Variants in PPFIA1 observed in about 807,000 individuals in gnomAD.
PPFIA1 encodes the protein liprin-alpha-1.
A neutral mutation model predicts 149.9 loss-of-function variants in PPFIA1; 25 were observed. The observed-to-expected ratio is 0.17, with a 90% confidence interval of 0.12 to 0.23. PPFIA1 has a LOEUF of 0.23. Ranked by LOEUF, PPFIA1 falls within the 10% of genes least tolerant of loss-of-function variation. The probability of loss-of-function intolerance (pLI) is 1.00; values close to 1 mark genes in which losing one functional copy is unlikely to be tolerated. For synonymous variants in PPFIA1, 549 were observed against 552.8 expected, an observed-to-expected ratio of 0.99 and a Z score of 0.10; for missense variants, 1,362 against 1,506.5, an observed-to-expected ratio of 0.90 and a Z score of 1.59.
intron 10 of PPFIA1, among the ~76,000 whole-genome samples, chr11:70,335,333 A>G (rs1333425316): frequency 6.6e-6 from 1 of 152,190 alleles, no homozygotes; most frequent in Non-Finnish European, 1.5e-5. Context: ...GTCCTGTGGC[A>G]GGAGCAGTGG....
At chr11:70,337,279 CT>C (rs879535446) in intron 11 of PPFIA1, 85 bp from the exon 12 acceptor site, 58,344 of 686,554 alleles carry the variant, frequency 0.085, 1 homozygote, top group South Asian at 0.11. Context: ...TTGTGTGGTC[CT>C]TTTTTTTTTT....
chr11:70,331,863 TCTTA>T (rs1465489066), intron 8 of PPFIA1, 93 bp from the exon 9 acceptor site: 4 of 1,369,746 alleles, frequency 2.9e-6, no homozygotes, highest in Middle Eastern at 1.9e-4. Context: ...ATCATGACTC[TCTTA>T]GTCTGTATCT....
chr11:70,271,191 GA>G (rs1272116468), intron 1 of PPFIA1: 4 of 152,208 alleles, frequency 2.6e-5, no homozygotes, highest in Non-Finnish European at 5.9e-5. Flanking sequence ...TGTGGCCGCT[GA>G]AAGCCCTGGC....
chr11:70,303,258 A>G (rs1005661920), intron 2 of PPFIA1, among the ~76,000 whole-genome samples: 7 of 152,184 alleles, frequency 4.6e-5, no homozygotes, highest in African/African-American at 1.7e-4. Context: ...CACTTGGTCT[A>G]GCAGAATATA....
intron 25 of PPFIA1, among the ~76,000 whole-genome samples, 155 bp downstream of exon 25, chr11:70,376,755 T>G (rs1012140525): frequency 6.6e-6 from 1 of 152,198 alleles, no homozygotes; most frequent in African/African-American, 2.4e-5. Flanking sequence ...TCTTATACAT[T>G]TATTCACAAA....
chr11:70,314,402 C>T (rs1001313766), intron 2 of PPFIA1, among the ~76,000 whole-genome samples: 1 of 152,118 alleles, frequency 6.6e-6, no homozygotes, highest in Non-Finnish European at 1.5e-5. Flanking sequence ...TCCATGTGGA[C>T]ACCGTGTATT....
At chr11:70,358,603 C>A (rs2056473364) in intron 19 of PPFIA1, 1 of 152,194 alleles carries the variant, frequency 6.6e-6, no homozygotes, top group Non-Finnish European at 1.5e-5. Context: ...AATATTTATG[C>A]CATCTTAAGA....
intron 14 of PPFIA1, among the ~76,000 whole-genome samples, chr11:70,341,521 A>G (rs72947051): frequency 0.011 from 1,670 of 152,270 alleles, 20 homozygotes; most frequent in Middle Eastern, 0.037. Flanking sequence ...AGCCAGGGCC[A>G]TGTTCAGGTT....
At chr11:70,280,251 AATAT>A (rs200984477) in intron 2 of PPFIA1, among the ~76,000 whole-genome samples, 3,323 of 149,570 alleles carry the variant, frequency 0.022, 130 homozygotes, top group African/African-American at 0.078. Flanking sequence ...TATATATATA[AATAT>A]ATATGTATAT....
intron 2 of PPFIA1, among the ~76,000 whole-genome samples, chr11:70,309,106 T>C (rs2053082876): frequency 6.6e-6 from 1 of 152,176 alleles, no homozygotes. Flanking sequence ...AATATATACT[T>C]GAATTCTGAA....
chr11:70,331,874 A>G (rs1482311766), intron 8 of PPFIA1, 86 bp from the exon 9 acceptor site: 4 of 1,428,214 alleles, frequency 2.8e-6, no homozygotes, highest in Non-Finnish European at 3.8e-6. Context: ...CTTAGTCTGT[A>G]TCTGCATTTC....
Position 70,332,497 on chromosome 11 carries a change from A to G in PPFIA1, c.1212+403A>G, listed in dbSNP as rs565669586. Among the ~76,000 whole-genome samples, 229 of 152,264 alleles carry G rather than the reference A, an allele frequency of 1.5e-3. 1 individual carries two copies. The highest frequency in any genetic ancestry group is 1.1e-3 in the Non-Finnish European group (73 of 68,024). ...CATAAACACATTTTTAAGTAATTTT[A>G]TTATTTTGAAATTACTTAAAAATGT... On this transcript the variant is annotated intron_variant, in intron 9 of 27. Coordinates refer to ENST00000253925, the MANE Select transcript of PPFIA1 (RefSeq NM_003626.5).
chr11:70,306,221 AT>A (rs11351550), intron 2 of PPFIA1, among the ~76,000 whole-genome samples: 33,076 of 149,290 alleles, frequency 0.22, 5,452 homozygotes, highest in African/African-American at 0.46. Flanking sequence ...GTGATCTTTA[AT>A]TTTTTTTTTT....
At chr11:70,311,453 C>T (rs2053270513) in intron 2 of PPFIA1, among the ~76,000 whole-genome samples, 1 of 152,184 alleles carries the variant, frequency 6.6e-6, no homozygotes, top group Non-Finnish European at 1.5e-5. Flanking sequence ...AAACTGTTAA[C>T]AGTACTGCTA....
chr11:70,354,725 C>T (rs1290987199), intron 17 of PPFIA1, among the ~76,000 whole-genome samples: 1 of 152,012 alleles, frequency 6.6e-6, no homozygotes, highest in Non-Finnish European at 1.5e-5. Flanking sequence ...TTCATGTCTT[C>T]AGAGTCTATA....
At chr11:70,358,958 T>C (rs1194457980) in intron 19 of PPFIA1, among the ~76,000 whole-genome samples, 4 of 152,234 alleles carry the variant, frequency 2.6e-5, no homozygotes, top group Non-Finnish European at 5.9e-5. Flanking sequence ...AGTGTTCCCT[T>C]TTCATGTTCT....
At chr11:70,373,849 G>A (rs1027106762) in intron 23 of PPFIA1, 1 of 152,146 alleles carries the variant, frequency 6.6e-6, no homozygotes, top group Non-Finnish European at 1.5e-5. Context: ...GAGAAAAGTC[G>A]TAAGTCGACA....
chr11:70,338,287 T>A, intron 12 of PPFIA1, 87 bp from the exon 13 acceptor site: 1 of 1,083,670 alleles, frequency 9.2e-7, no homozygotes, highest in Non-Finnish European at 1.4e-6. Flanking sequence ...CTGTTAGGGT[T>A]ATGCCCAACA....
chr11:70,292,779 T>C (rs2051623587), intron 2 of PPFIA1, among the ~76,000 whole-genome samples: 1 of 152,200 alleles, frequency 6.6e-6, no homozygotes, highest in Non-Finnish European at 1.5e-5. Context: ...AGATATTACA[T>C]GGTAGAGGCT....
Sources: allele counts gnomAD v4.1 joint callset (sites outside exome capture counted in the v4.1 genomes callset), GRCh38; gene constraint gnomAD v4.1.1; transcripts MANE v1.5; gene names NCBI Gene and HGNC (gene_info 2026-07-23, HGNC 2026-07-21).